Variants in RBFOX1 observed in about 807,000 individuals in gnomAD.
The protein encoded by RBFOX1 is RNA binding protein fox-1 homolog 1.
RBFOX1 carries 8 observed loss-of-function variants against 57.7 expected under a neutral mutation model. The observed-to-expected ratio is 0.14, with a 90% confidence interval of 0.08 to 0.25. RBFOX1 has a LOEUF of 0.25. Ranked by LOEUF, RBFOX1 falls within the 10% of genes least tolerant of loss-of-function variation. The pLI is 1.00. For missense variants in RBFOX1, 611 were observed against 548.5 expected, an observed-to-expected ratio of 1.11 and a Z score of -1.14; for synonymous variants, 326 against 222.4, an observed-to-expected ratio of 1.47 and a Z score of -4.15.
chr16:6,959,489 T>A (rs111791713), intron 3 of RBFOX1, among the ~76,000 whole-genome samples: 2,236 of 152,190 alleles, frequency 0.015, 60 homozygotes, highest in African/African-American at 0.051. Flanking sequence ...CAAGGGAGTA[T>A]CTTTTTTTAT....
intron 4 of RBFOX1, among the ~76,000 whole-genome samples, chr16:7,341,784 T>TCCCTCCC (rs2096901464): frequency 1.5e-5 from 1 of 67,594 alleles, no homozygotes; most frequent in African/African-American, 6.8e-5. Context: ...CCCTCCTTCC[T>TCCCTCCC]TCCTTCCTTC....
At chr16:6,547,589 CTG>C (rs2096913980) in intron 2 of RBFOX1, among the ~76,000 whole-genome samples, 1 of 152,036 alleles carries the variant, frequency 6.6e-6, no homozygotes. Context: ...CCTTTTTTCT[CTG>C]TCTCCTGAGG....
rs1279402169 is a variant in RBFOX1 at position 7,583,129 on chromosome 16, A to G, written c.414+3209A>G. Among the ~76,000 whole-genome samples, 3 of 147,588 alleles carry G rather than the reference A, an allele frequency of 2.0e-5. No individual in the cohort carries two copies. The Admixed American group carries it at 2.1e-4, about 10-fold the overall frequency. On this transcript the variant is annotated intron_variant, in intron 6 of 15. Transcript: ENST00000550418. ...GGAAGCATTTGTTCCCATGTTTGGC[A>G]TTAAATCTTCTAGCTCATCTTTTTT...
intron 4 of RBFOX1, among the ~76,000 whole-genome samples, chr16:5,875,347 G>A (rs543017174): frequency 9.2e-5 from 14 of 152,310 alleles, no homozygotes; most frequent in Middle Eastern, 3.4e-3. Flanking sequence ...CACCTGGGCT[G>A]TCTCCACTAG....
chr16:7,330,739 G>A (rs1356265979), intron 4 of RBFOX1, among the ~76,000 whole-genome samples: 1 of 151,626 alleles, frequency 6.6e-6, no homozygotes, highest in East Asian at 1.9e-4. Flanking sequence ...CCTGCCTTCT[G>A]GTCCAGTGGT....
intron 1 of RBFOX1, among the ~76,000 whole-genome samples, chr16:5,454,908 T>TTC (rs1417957564): frequency 7.6e-6 from 1 of 132,208 alleles, no homozygotes; most frequent in African/African-American, 2.7e-5. Context: ...CTTTCTTTCT[T>TTC]TCTTTCCTTT....
intron 4 of RBFOX1, among the ~76,000 whole-genome samples, chr16:7,085,153 T>C (rs528857428): frequency 1.3e-5 from 2 of 152,284 alleles, no homozygotes; most frequent in Admixed American, 6.5e-5. Context: ...ATAAAGAGGC[T>C]ACAAACATAA....
At chr16:6,878,871 TA>T (rs34615531) in intron 3 of RBFOX1, among the ~76,000 whole-genome samples, 40,352 of 152,052 alleles carry the variant, frequency 0.27, 5,583 homozygotes, top group African/African-American at 0.33. Context: ...AATTAACAGC[TA>T]ATCTTTGATA....
At chr16:7,169,862 G>A (rs1220731158) in intron 4 of RBFOX1, among the ~76,000 whole-genome samples, 1 of 152,068 alleles carries the variant, frequency 6.6e-6, no homozygotes, top group East Asian at 1.9e-4. Flanking sequence ...CTTGAGTCCA[G>A]GAGTTCAAGA....
chr16:5,957,484 C>G (rs562482514), intron 4 of RBFOX1, among the ~76,000 whole-genome samples: 54 of 152,250 alleles, frequency 3.5e-4, no homozygotes, highest in African/African-American at 1.3e-3. Flanking sequence ...CTCGGCCTCC[C>G]AAAGTACTGG....
intron 1 of RBFOX1, among the ~76,000 whole-genome samples, chr16:6,256,173 A>ATATG (rs2097661549): frequency 2.8e-4 from 4 of 14,076 alleles, no homozygotes; most frequent in African/African-American, 5.4e-4. Context: ...ATATATATGT[A>ATATG]TATATATATA....
In RBFOX1 at chr16:5,959,973, G is replaced by C. The variant is rs187958803; in HGVS notation, c.351+92638G>C. Among the ~76,000 whole-genome samples the C allele has an allele frequency of 2.7e-4, 41 of 152,312 alleles. No homozygotes were observed. In the East Asian group the frequency reaches 6.8e-3, roughly 25 times the overall value. ...CCCAGTACTTTGGGAGGCAGAGGCGGGGGGATCACCTGAGGTCCGGAGTTC... is the reference window on the plus strand; with the variant it reads ...CCCAGTACTTTGGGAGGCAGAGGCGCGGGGATCACCTGAGGTCCGGAGTTC... On this transcript the variant is annotated intron_variant, in intron 4 of 19. Coordinates refer to the RBFOX1 transcript ENST00000641259.
intron 3 of RBFOX1, among the ~76,000 whole-genome samples, chr16:5,830,309 G>T (rs2151825191): frequency 6.6e-6 from 1 of 152,034 alleles, no homozygotes; most frequent in Non-Finnish European, 1.5e-5. Context: ...CCCAGCATAG[G>T]CAATCCAATT....
At chr16:5,960,766 C>A (rs1012930847) in intron 4 of RBFOX1, among the ~76,000 whole-genome samples, 1 of 152,142 alleles carries the variant, frequency 6.6e-6, no homozygotes, top group African/African-American at 2.4e-5. Flanking sequence ...CAGTGAAAAG[C>A]CAAACATCCC....
intron 2 of RBFOX1, among the ~76,000 whole-genome samples, chr16:6,646,987 T>C (rs182371226): frequency 6.6e-6 from 1 of 152,310 alleles, no homozygotes; most frequent in Admixed American, 6.5e-5. Context: ...CAGCCTGGGC[T>C]ACCCTAACAA....
chr16:7,141,628 C>G (rs536697425), intron 4 of RBFOX1, among the ~76,000 whole-genome samples: 1 of 152,108 alleles, frequency 6.6e-6, no homozygotes, highest in South Asian at 2.1e-4. Flanking sequence ...ATATTAATGC[C>G]ATTTGTAGTT....
intron 3 of RBFOX1, among the ~76,000 whole-genome samples, chr16:5,828,201 A>C (rs1395739075): frequency 6.6e-6 from 1 of 152,062 alleles, no homozygotes; most frequent in Non-Finnish European, 1.5e-5. Context: ...CTGTCCGCTC[A>C]TCCATCCACC....
intron 1 of RBFOX1, among the ~76,000 whole-genome samples, chr16:6,171,716 G>C (rs1037557568): frequency 6.6e-6 from 1 of 152,180 alleles, no homozygotes; most frequent in Non-Finnish European, 1.5e-5. Context: ...CCATTCTTTG[G>C]AATAGCAGAA....
rs371046557 is a variant in RBFOX1 at position 7,124,849 on chromosome 16, T to C, written c.27+72751T>C. Among the ~76,000 whole-genome samples the C allele has an allele frequency of 1.1e-4, 16 of 152,070 alleles. No homozygotes were observed. In the East Asian group the frequency reaches 2.1e-3, roughly 20 times the overall value. On this transcript the variant is annotated intron_variant, in intron 4 of 15. Coordinates refer to ENST00000550418, the MANE Select transcript of RBFOX1 (RefSeq NM_018723.4). Reference sequence around the variant, plus strand: ...GTTTCTACTGTATGACTCTGATTCATAAATTACTAAAGTGTATTCCTGACA... The same window carrying C: ...GTTTCTACTGTATGACTCTGATTCACAAATTACTAAAGTGTATTCCTGACA...
Sources: allele counts gnomAD v4.1 joint callset (sites outside exome capture counted in the v4.1 genomes callset), GRCh38; gene constraint gnomAD v4.1.1; transcripts MANE v1.5; gene names NCBI Gene and HGNC (gene_info 2026-07-23, HGNC 2026-07-21).